Variants in KIRREL3 observed in about 807,000 individuals in gnomAD.
KIRREL3 encodes kin of IRRE-like protein 3.
A neutral mutation model predicts 89.7 loss-of-function variants in KIRREL3; 36 were observed. The ratio of observed to expected loss-of-function variants is 0.40; its 90% CI spans 0.31 to 0.53. The LOEUF (loss-of-function observed/expected upper bound fraction) is 0.53, where lower values mean the gene tolerates loss of function less well. Ranked by LOEUF, KIRREL3 falls within the 20% of genes least tolerant of loss-of-function variation. The pLI, the probability that KIRREL3 is intolerant of heterozygous loss-of-function variation, is 0.49. For missense variants in KIRREL3, 864 were observed against 1,056.6 expected (o/e 0.82, Z 2.53); for synonymous variants, 445 against 441.4 (o/e 1.01, Z -0.10).
chr11:126,453,949 C>T (rs1240134471), intron 7 of KIRREL3, among the ~76,000 whole-genome samples: 3 of 152,098 alleles, frequency 2.0e-5, no homozygotes, highest in African/African-American at 4.8e-5. Flanking sequence ...CAGGGGAGTA[C>T]GAAAGGGAGG....
rs1287457352 is a variant in KIRREL3 at position 126,900,523 on chromosome 11, G to GCTGGACTTCTGAGGC, written c.55+99917_55+99931dup. ...ATTAAACAATAATTTCTTTGTGAGT[G>GCTGGACTTCTGAGGC]CTGGACTTCTGAGGCCTGTTTTCTC... On this transcript the variant is annotated intron_variant, in intron 1 of 16. Transcript: ENST00000525144. This position sits in a 1 kb window ranked among gnomAD's most constrained non-coding sequence, Gnocchi z 4.4. Among the ~76,000 whole-genome samples, 1 of 152,184 alleles carries GCTGGACTTCTGAGGC rather than the reference G, an allele frequency of 6.6e-6. No homozygotes were observed. Among genetic ancestry groups the GCTGGACTTCTGAGGC allele is most frequent in the Non-Finnish European group, 1.5e-5 (1 of 68,026 alleles).
Position 126,703,750 on chromosome 11 carries a change from C to T in KIRREL3, c.56-140838G>A, listed in dbSNP as rs553378360. On this transcript the variant is annotated intron_variant, in intron 1 of 16. Transcript: ENST00000525144. This position sits in a 1 kb window ranked among gnomAD's most constrained non-coding sequence, Gnocchi z 4.6. ...GGGCCAGTGTTTCCGTGCCAGAAAC[C>T]CTGTCTCAGAGGGCAGGAAAGAGAA... is the stretch of plus-strand genomic sequence containing the variant. Among the ~76,000 whole-genome samples the T allele has an allele frequency of 6.4e-4, 97 of 152,302 alleles. No individual in the cohort carries two copies. Among genetic ancestry groups the T allele is most frequent in the African/African-American group, 2.3e-3 (97 of 41,558 alleles).
intron 1 of KIRREL3, among the ~76,000 whole-genome samples, chr11:126,777,965 C>T (rs996889639): frequency 6.6e-6 from 1 of 151,684 alleles, no homozygotes; most frequent in East Asian, 1.9e-4. Flanking sequence ...GCAGACTAGC[C>T]TGCTGCATGG....
chr11:126,572,633 G>A (rs1941021192), intron 1 of KIRREL3, among the ~76,000 whole-genome samples: 1 of 152,180 alleles, frequency 6.6e-6, no homozygotes, highest in Admixed American at 6.5e-5. Context: ...CAGGTGGTCA[G>A]GAGCACTGAG....
In KIRREL3 at chr11:126,455,913, C is replaced by T. The variant is rs1956323546; in HGVS notation, c.848+436G>A. ...ATGAGTAAGTGTGATCCCGGATGCT[C>T]ACTGGACTGGGCCGGGGCCCAGACA... On this transcript the variant is annotated intron_variant, in intron 7 of 16. Coordinates refer to ENST00000525144, the MANE Select transcript of KIRREL3 (RefSeq NM_032531.4). The surrounding 1 kb of genome is among the most constrained non-coding windows in gnomAD (Gnocchi z 6.4). Among the ~76,000 whole-genome samples, 2 of 151,972 alleles carry T rather than the reference C, an allele frequency of 1.3e-5. No individual in the cohort carries two copies. Among genetic ancestry groups the T allele is most frequent in the Admixed American group, 1.3e-4 (2 of 15,256 alleles).
intron 1 of KIRREL3, among the ~76,000 whole-genome samples, chr11:126,781,841 T>A (rs542428784): frequency 6.6e-6 from 1 of 152,300 alleles, no homozygotes; most frequent in South Asian, 2.1e-4. Context: ...AAAATGACCT[T>A]ATTCATTGGT....
At chr11:126,852,049 C>CTTTT (rs10579989) in intron 1 of KIRREL3, among the ~76,000 whole-genome samples, 5 of 103,622 alleles carry the variant, frequency 4.8e-5, no homozygotes, top group Non-Finnish European at 7.5e-5. Flanking sequence ...GGGCTATAAC[C>CTTTT]TTTTTTTTTT....
intron 3 of KIRREL3, among the ~76,000 whole-genome samples, chr11:126,524,497 C>T (rs1958689076): frequency 6.6e-6 from 1 of 152,166 alleles, no homozygotes; most frequent in Non-Finnish European, 1.5e-5. Flanking sequence ...GGGGAAAATC[C>T]TTCTTTTCTC....
Position 126,911,243 on chromosome 11 carries a change from G to C in KIRREL3, c.55+89212C>G, listed in dbSNP as rs182552163. On this transcript the variant is annotated intron_variant, in intron 1 of 16. Coordinates refer to ENST00000525144, the MANE Select transcript of KIRREL3 (RefSeq NM_032531.4). ...AAAGGAGACCAGCAAATAAAAAGCA[G>C]CCACCATGCTGAGACTCTTCTTTGA... 4.6e-5 allele frequency among the ~76,000 whole-genome samples: 7 copies of C among 152,320 alleles called. No homozygotes were observed. The East Asian group carries it at 1.2e-3, about 25-fold the overall frequency.
intron 2 of KIRREL3, among the ~76,000 whole-genome samples, chr11:126,539,438 G>A (rs949768248): frequency 1.3e-5 from 2 of 152,158 alleles, no homozygotes; most frequent in Non-Finnish European, 2.9e-5. Flanking sequence ...GAAATATCAC[G>A]GTGATGACAG....
intron 1 of KIRREL3, among the ~76,000 whole-genome samples, chr11:126,596,436 A>C (rs536695695): frequency 6.6e-6 from 1 of 152,224 alleles, no homozygotes; most frequent in Non-Finnish European, 1.5e-5. Context: ...ACAGCCAGTT[A>C]GTGAGGGAAG....
chr11:126,786,724 A>G (rs1272467843), intron 1 of KIRREL3, among the ~76,000 whole-genome samples: 2 of 152,230 alleles, frequency 1.3e-5, no homozygotes, highest in Non-Finnish European at 2.9e-5. Context: ...GCAGCCCAGT[A>G]GCAAATGTGC....
At chr11:126,961,219 A>G (rs957789330) in intron 1 of KIRREL3, among the ~76,000 whole-genome samples, 4 of 152,212 alleles carry the variant, frequency 2.6e-5, no homozygotes, top group African/African-American at 9.6e-5. Flanking sequence ...TTAAATCAAA[A>G]GCTAGAAATG....
intron 2 of KIRREL3, among the ~76,000 whole-genome samples, chr11:126,538,649 C>T (rs992669571): frequency 2.6e-5 from 4 of 152,138 alleles, no homozygotes; most frequent in African/African-American, 9.7e-5. Flanking sequence ...TTCTGACCCA[C>T]TGACTGACGG....
At chr11:126,939,289 C>T (rs1167910153) in intron 1 of KIRREL3, among the ~76,000 whole-genome samples, 2 of 152,202 alleles carry the variant, frequency 1.3e-5, no homozygotes, top group Admixed American at 1.3e-4. Context: ...CAATGGGCTG[C>T]TCCACCTTCG....
chr11:126,734,568 C>T lies in KIRREL3; in HGVS notation c.56-171656G>A, dbSNP rs189440767. 7.3e-4 allele frequency among the ~76,000 whole-genome samples: 111 copies of T among 151,632 alleles called. No homozygotes were observed. The highest frequency in any genetic ancestry group is 2.6e-3 in the African/African-American group (106 of 41,300). On this transcript the variant is annotated intron_variant, in intron 1 of 16. Coordinates refer to ENST00000525144, the MANE Select transcript of KIRREL3 (RefSeq NM_032531.4). The surrounding 1 kb of genome is among the most constrained non-coding windows in gnomAD (Gnocchi z 5.9). ...ATCCCAGCTACTTGGGAGGCTGAGACAAGAGAATCACTTGAACCTGGGAAG... is the reference window on the plus strand; with the variant it reads ...ATCCCAGCTACTTGGGAGGCTGAGATAAGAGAATCACTTGAACCTGGGAAG...
rs769780683 is a variant in KIRREL3 at position 126,555,063 on chromosome 11, C to T, written c.133+7772G>A. 6.6e-6 allele frequency among the ~76,000 whole-genome samples: 1 copy of T among 152,218 alleles called. No homozygotes were observed. The highest frequency in any genetic ancestry group is 1.5e-5 in the Non-Finnish European group (1 of 68,042). On this transcript the variant is annotated intron_variant, in intron 2 of 16. Transcript: ENST00000525144. The surrounding 1 kb of genome is among the most constrained non-coding windows in gnomAD (Gnocchi z 4.2). ...ATCTCCCAATAAAATCCTCCGCATA[C>T]ACTACCCTTCAATCTGTTCATGTGA...
At chr11:126,939,278 C>A (rs1948337029) in intron 1 of KIRREL3, among the ~76,000 whole-genome samples, 1 of 152,190 alleles carries the variant, frequency 6.6e-6, no homozygotes, top group African/African-American at 2.4e-5. Flanking sequence ...TCCATCAGGC[C>A]CAATGGGCTG....
rs187884059 is a variant in KIRREL3, at chr11:126,676,711, C to T, written c.56-113799G>A. Among the ~76,000 whole-genome samples the T allele has an allele frequency of 1.6e-3, 244 of 152,064 alleles. No individual in the cohort carries two copies. Among genetic ancestry groups the T allele is most frequent in the Non-Finnish European group, 2.6e-3 (175 of 67,976 alleles). ...CAAAGATGCATCTGGGCCCCATATGCGACCCAGGGCTTCCCATGGCAACAT... is the reference window on the plus strand; with the variant it reads ...CAAAGATGCATCTGGGCCCCATATGTGACCCAGGGCTTCCCATGGCAACAT... On this transcript the variant is annotated intron_variant, in intron 1 of 16. Coordinates refer to ENST00000525144, the MANE Select transcript of KIRREL3 (RefSeq NM_032531.4). This position sits in a 1 kb window ranked among gnomAD's most constrained non-coding sequence, Gnocchi z 4.5.
Sources: allele counts gnomAD v4.1 joint callset (sites outside exome capture counted in the v4.1 genomes callset), GRCh38; gene constraint gnomAD v4.1.1; non-coding constraint Gnocchi (gnomAD v3.1); transcripts MANE v1.5; gene names NCBI Gene and HGNC (gene_info 2026-07-23, HGNC 2026-07-21).